The following TCF12 variants were observed in gnomAD, a reference collection of about 807,000 sequenced individuals.
The protein encoded by TCF12 is transcription factor 12, also known as DNA-binding protein HTF4.
In TCF12, 45 loss-of-function variants were observed where a neutral mutation model predicts 86.0. That is an observed-to-expected ratio of 0.52 (90% CI 0.41 to 0.67). The LOEUF (loss-of-function observed/expected upper bound fraction) is 0.67. TCF12 is among the 30% of genes least tolerant of loss of function. TCF12 has a pLI of 0.00. For synonymous variants in TCF12, 330 were observed against 299.6 expected (o/e 1.10, Z -1.05); for missense variants, 881 against 859.9 (o/e 1.02, Z -0.31).
intron 4 of TCF12, among the ~76,000 whole-genome samples, chr15:57,072,338 A>G (rs1470461931): frequency 6.6e-6 from 1 of 152,214 alleles, no homozygotes; most frequent in Admixed American, 6.5e-5. Flanking sequence ...CAAGTTAGCT[A>G]TGGTTGTATT....
At chr15:57,099,191 A>G (rs373909496) in intron 5 of TCF12, among the ~76,000 whole-genome samples, 2 of 152,230 alleles carry the variant, frequency 1.3e-5, no homozygotes, top group Non-Finnish European at 1.5e-5. Flanking sequence ...TTCTCTTTCT[A>G]TGGTTAGAAT....
intron 5 of TCF12, among the ~76,000 whole-genome samples, chr15:57,148,701 CA>C (rs61526953): frequency 7.6e-4 from 95 of 124,348 alleles, no homozygotes; most frequent in African/African-American, 1.5e-3. Flanking sequence ...GGTGACGTGG[CA>C]AAAAAAAAAA....
intron 3 of TCF12, among the ~76,000 whole-genome samples, chr15:56,944,083 C>G (rs570531028): frequency 6.6e-6 from 1 of 152,020 alleles, no homozygotes; most frequent in African/African-American, 2.4e-5. Flanking sequence ...TGAACCATTA[C>G]CTAATGGAAA....
At chr15:56,994,208 A>G (rs2063587955) in intron 3 of TCF12, among the ~76,000 whole-genome samples, 1 of 152,192 alleles carries the variant, frequency 6.6e-6, no homozygotes, top group East Asian at 1.9e-4. Flanking sequence ...AGAAGAAAGA[A>G]TTTTAAAAAA....
intron 19 of TCF12, among the ~76,000 whole-genome samples, chr15:57,274,634 G>T (rs1307933271): frequency 1.3e-5 from 2 of 152,094 alleles, no homozygotes; most frequent in South Asian, 2.1e-4. Context: ...CGCTCTGAAG[G>T]CAGCAAGGCA....
At chr15:57,212,108 C>A (rs1436979208) in intron 8 of TCF12, among the ~76,000 whole-genome samples, 1 of 152,092 alleles carries the variant, frequency 6.6e-6, no homozygotes, top group Non-Finnish European at 1.5e-5. Flanking sequence ...ATCAGAAAAA[C>A]CTAACAAATT....
intron 19 of TCF12, among the ~76,000 whole-genome samples, chr15:57,275,327 G>GGTGTGTGTGTGTGTGT (rs1171707504): frequency 0.011 from 674 of 64,076 alleles, 65 homozygotes; most frequent in East Asian, 0.049. Context: ...GTAAGGTAGG[G>GGTGTGTGTGTGTGTGT]GTGTGTGTGT....
At chr15:57,157,330 G>A (rs574363824) in intron 5 of TCF12, among the ~76,000 whole-genome samples, 58 of 151,064 alleles carry the variant, frequency 3.8e-4, no homozygotes, top group African/African-American at 1.4e-3. Context: ...TTGACTTGCT[G>A]TAAAAAATGA....
chr15:57,177,032 T>G (rs2055963474), intron 6 of TCF12, among the ~76,000 whole-genome samples: 1 of 152,102 alleles, frequency 6.6e-6, no homozygotes, highest in Non-Finnish European at 1.5e-5. Flanking sequence ...GATGATTGAC[T>G]CATAAGGTAG....
intron 5 of TCF12, among the ~76,000 whole-genome samples, chr15:57,143,662 C>G (rs1480919471): frequency 3.9e-5 from 6 of 152,092 alleles, no homozygotes; most frequent in Non-Finnish European, 8.8e-5. Flanking sequence ...GAAAGGCAGA[C>G]AGAGGTTTAT....
chr15:57,189,112 T>C (rs1262891721), intron 6 of TCF12, among the ~76,000 whole-genome samples: 1 of 152,052 alleles, frequency 6.6e-6, no homozygotes, highest in Non-Finnish European at 1.5e-5. Flanking sequence ...TCAAAATGGA[T>C]CAAGGACCTG....
chr15:57,185,849 T>G (rs2056636389), intron 6 of TCF12, among the ~76,000 whole-genome samples: 1 of 152,082 alleles, frequency 6.6e-6, no homozygotes, highest in African/African-American at 2.4e-5. Flanking sequence ...GCCACTGCAC[T>G]CCAGCCAGAG....
chr15:57,159,194 T>C (rs1022270397), intron 5 of TCF12, among the ~76,000 whole-genome samples: 2 of 152,220 alleles, frequency 1.3e-5, no homozygotes, highest in East Asian at 3.9e-4. Context: ...GTGAGTGGGG[T>C]CATTGATGTT....
At position 57,244,760 on chromosome 15, in the gene TCF12, G is replaced by C. The variant is rs138616294; in HGVS notation, c.1114+1210G>C. ...ATTACAGGCGTGACCCACTGCGCCCGGCCCACATGTTTTTTTTTTCTTAAT... is the reference window on the plus strand; with the variant it reads ...ATTACAGGCGTGACCCACTGCGCCCCGCCCACATGTTTTTTTTTTCTTAAT... On this transcript the variant is annotated intron_variant, in intron 13 of 20. Transcript: ENST00000333725. Among the ~76,000 whole-genome samples the C allele has an allele frequency of 3.2e-3, 486 of 151,900 alleles. 2 individuals are homozygous for C. Among genetic ancestry groups the C allele is most frequent in the African/African-American group, 0.011 (471 of 41,446 alleles).
chr15:57,150,873 CCCTTCCTTCCTT>C (rs374734642), intron 5 of TCF12, among the ~76,000 whole-genome samples: 1,144 of 40,620 alleles, frequency 0.028, 28 homozygotes, highest in African/African-American at 0.081. Context: ...CCCCCTCTGT[CCCTTCCTTCCTT>C]CCTTCCTTCC....
chr15:57,003,738 T>C (rs562743198), intron 3 of TCF12, among the ~76,000 whole-genome samples: 2 of 152,300 alleles, frequency 1.3e-5, no homozygotes, highest in South Asian at 4.1e-4. Flanking sequence ...TTTTATTAAA[T>C]AGGCAAAGTT....
intron 3 of TCF12, among the ~76,000 whole-genome samples, chr15:57,046,884 C>A (rs1305524264): frequency 6.6e-6 from 1 of 152,174 alleles, no homozygotes; most frequent in African/African-American, 2.4e-5. Context: ...CCCCTTCTTC[C>A]CTCCTGAGGC....
intron 19 of TCF12, among the ~76,000 whole-genome samples, chr15:57,274,890 A>G (rs963731897): frequency 6.6e-6 from 1 of 152,168 alleles, no homozygotes; most frequent in Non-Finnish European, 1.5e-5. Context: ...AAGCACAGAG[A>G]TACCTACTTC....
upstream of TCF12, chr15:56,918,413 G>A (rs917282462): frequency 1.4e-5 from 5 of 360,978 alleles, no homozygotes; most frequent in Middle Eastern, 7.0e-4. Context: ...CGAGCGGTCG[G>A]GGCCTGCTTC....
Sources: gnomAD v4.1 joint callset for allele counts (sites outside exome capture counted in the v4.1 genomes callset) on GRCh38, gnomAD v4.1.1 for gene constraint, MANE v1.5 for transcripts, NCBI Gene and HGNC (gene_info 2026-07-23, HGNC 2026-07-21) for gene names.